GMDS: variants seen among roughly 807,000 people sequenced by gnomAD.
The protein encoded by GMDS is GDP-mannose 4,6 dehydratase.
A neutral mutation model predicts 49.9 loss-of-function variants in GMDS; 20 were observed. The observed-to-expected ratio is 0.40, with a 90% CI of 0.28 to 0.58. The LOEUF is 0.58. Among genes scored for constraint, GMDS ranks in the 20% least tolerant of loss-of-function variants. GMDS has a pLI of 0.42. For missense variants in GMDS, 362 were observed against 481.4 expected, an observed-to-expected ratio of 0.75 and a Z score of 2.32; for synonymous variants, 177 against 178.6, an observed-to-expected ratio of 0.99 and a Z score of 0.07.
intron 1 of GMDS, among the ~76,000 whole-genome samples, chr6:2,165,754 G>A (rs1367912821): frequency 6.6e-6 from 1 of 152,132 alleles, no homozygotes; most frequent in African/African-American, 2.4e-5. Context: ...TTCTCCACAG[G>A]ACTTTAAAAT....
At chr6:2,077,348 G>A (rs1581618721) in intron 4 of GMDS, among the ~76,000 whole-genome samples, 1 of 151,952 alleles carries the variant, frequency 6.6e-6, no homozygotes, top group Admixed American at 6.6e-5. Flanking sequence ...TGGGCATCCT[G>A]GTATTGTTTC....
At chr6:1,808,970 T>A (rs368023346) in intron 7 of GMDS, among the ~76,000 whole-genome samples, 1 of 152,224 alleles carries the variant, frequency 6.6e-6, no homozygotes, top group African/African-American at 2.4e-5. Flanking sequence ...TGTGTCTATA[T>A]TTAATGGAAT....
chr6:1,946,355 A>G (rs1230754189), intron 6 of GMDS, among the ~76,000 whole-genome samples: 1 of 152,156 alleles, frequency 6.6e-6, no homozygotes, highest in Non-Finnish European at 1.5e-5. Context: ...TACTATGGGA[A>G]AGTAATTTCA....
intron 7 of GMDS, among the ~76,000 whole-genome samples, chr6:1,810,269 T>C (rs1001869246): frequency 1.3e-5 from 2 of 152,096 alleles, no homozygotes; most frequent in East Asian, 1.9e-4. Context: ...GTGGGAGGAA[T>C]AGGCAGGGGG....
At chr6:1,844,000 C>T (rs1201020358) in intron 7 of GMDS, among the ~76,000 whole-genome samples, 1 of 152,186 alleles carries the variant, frequency 6.6e-6, no homozygotes, top group Admixed American at 6.5e-5. Context: ...TCTCTTCTCA[C>T]CTTGTTCACA....
chr6:1,860,024 G>T (rs1378384200), intron 7 of GMDS, among the ~76,000 whole-genome samples: 2 of 152,032 alleles, frequency 1.3e-5, no homozygotes, highest in African/African-American at 4.8e-5. Context: ...AGCCCCACTG[G>T]CCTTCTAGAC....
chr6:1,718,195 CTCTTGCACA>C (rs1016490212), intron 9 of GMDS, among the ~76,000 whole-genome samples: 12 of 152,126 alleles, frequency 7.9e-5, no homozygotes, highest in East Asian at 1.9e-4. Flanking sequence ...AGGATTTCAG[CTCTTGCACA>C]TCTTGCACAT....
intron 9 of GMDS, chr6:1,626,256 C>T (rs913430569): frequency 2.0e-5 from 3 of 152,236 alleles, no homozygotes; most frequent in African/African-American, 7.2e-5. Flanking sequence ...TTTTCAAACG[C>T]TTTGCATTTC....
chr6:1,999,959 T>TTATATATATTATATATATATATTATA (rs1766591126), intron 4 of GMDS, among the ~76,000 whole-genome samples: 1 of 12,530 alleles, frequency 8.0e-5, no homozygotes, highest in Non-Finnish European at 1.7e-4. Flanking sequence ...AATATGTATA[T>TTATATATATTATATATATATATTATA]TATATATATA....
chr6:1,899,147 G>A (rs765620048), intron 7 of GMDS, among the ~76,000 whole-genome samples: 5 of 152,020 alleles, frequency 3.3e-5, no homozygotes, highest in African/African-American at 7.2e-5. Flanking sequence ...CATCCTGCCC[G>A]TCTGTCTGGG....
chr6:1,912,009 AG>A, intron 7 of GMDS, among the ~76,000 whole-genome samples: 1 of 152,320 alleles, frequency 6.6e-6, no homozygotes, highest in South Asian at 2.1e-4. Flanking sequence ...TTTCAAACTA[AG>A]GAGAAGAATA....
chr6:1,749,887 C>T (rs910787778), intron 7 of GMDS, among the ~76,000 whole-genome samples: 3 of 152,140 alleles, frequency 2.0e-5, no homozygotes, highest in South Asian at 4.2e-4. Context: ...ACTGTAGTGC[C>T]GTGGCATGAT....
intron 4 of GMDS, among the ~76,000 whole-genome samples, chr6:2,004,810 A>G (rs1767052341): frequency 6.6e-6 from 1 of 152,174 alleles, no homozygotes; most frequent in African/African-American, 2.4e-5. Flanking sequence ...GACAGACCCT[A>G]ATTTTAAGAA....
At chr6:2,219,777 C>T (rs1255620110) in intron 1 of GMDS, among the ~76,000 whole-genome samples, 2 of 152,156 alleles carry the variant, frequency 1.3e-5, no homozygotes, top group African/African-American at 4.8e-5. Context: ...GAATATTGCT[C>T]CTGAGCAGCC....
intron 9 of GMDS, among the ~76,000 whole-genome samples, chr6:1,667,015 G>C (rs1368399791): frequency 6.6e-6 from 1 of 152,232 alleles, no homozygotes; most frequent in Non-Finnish European, 1.5e-5. Context: ...TCAGCGAGAA[G>C]AGCAATGCCA....
intron 6 of GMDS, among the ~76,000 whole-genome samples, chr6:1,941,127 T>A (rs189855144): frequency 6.6e-6 from 1 of 151,822 alleles, no homozygotes. Context: ...CTAACAAAAC[T>A]ATCGGGGAAC....
intron 7 of GMDS, among the ~76,000 whole-genome samples, chr6:1,784,037 C>T (rs1769214720): frequency 6.6e-6 from 1 of 151,912 alleles, no homozygotes; most frequent in South Asian, 2.1e-4. Flanking sequence ...TTAGTTAAGG[C>T]CCTAACAGGA....
At position 2,162,881 on chromosome 6, in the gene GMDS, C is replaced by T. The variant is rs1777475833; in HGVS notation, c.103-38150G>A. ...CCCTCCTGCTCTCCAAGCTCTGGGG[C>T]CACTGCAATTTCAGTTCATTCCTGC... is the stretch of plus-strand genomic sequence containing the variant. On this transcript the variant is annotated intron_variant, in intron 1 of 10. Coordinates refer to ENST00000380815, the MANE Select transcript of GMDS (RefSeq NM_001500.4). Among the ~76,000 whole-genome samples the T allele has an allele frequency of 4.6e-5, 7 of 152,140 alleles. 1 individual carries two copies. In the South Asian group the frequency reaches 1.5e-3, roughly 32 times the overall value.
chr6:1,624,534 G>A lies in GMDS; in HGVS notation c.994C>T (p.Leu332=). The change falls in exon 10 of 11, where the codon CTG becomes TTG. Residue 332 remains leucine (L), a synonymous_variant. Coordinates refer to ENST00000380815, the MANE Select transcript of GMDS (RefSeq NM_001500.4). ...TTCGCTTTGGTGCAGTCGCCCTGCA[G>A]AAAGTCCTAGGGAAGAAGAGGGGGA... ...KYYRPTEVDF[L]QGDCTKAKQK... 6 of 1,612,954 alleles carry A rather than the reference G, an allele frequency of 3.7e-6. No homozygotes were observed. Among genetic ancestry groups the A allele is most frequent in the Non-Finnish European group, 5.1e-6 (6 of 1,179,054 alleles).
Sources: allele counts gnomAD v4.1 joint callset (sites outside exome capture counted in the v4.1 genomes callset), GRCh38; gene constraint gnomAD v4.1.1; transcripts MANE v1.5; gene names NCBI Gene and HGNC (gene_info 2026-07-23, HGNC 2026-07-21).